HTR2C: variants seen among roughly 807,000 people sequenced by gnomAD.
The protein encoded by HTR2C is 5-hydroxytryptamine (serotonin) receptor 2C, G protein-coupled.
A neutral mutation model predicts 21.0 loss-of-function variants in HTR2C; 5 were observed. The observed-to-expected ratio is 0.24, with a 90% CI of 0.12 to 0.50. The LOEUF (loss-of-function observed/expected upper bound fraction) is 0.50. HTR2C is among the 20% of genes least tolerant of loss of function. The pLI, the probability that HTR2C is intolerant of heterozygous loss-of-function variation, is 0.98. For synonymous variants in HTR2C, 150 were observed against 145.3 expected, an observed-to-expected ratio of 1.03 and a Z score of -0.23; for missense variants, 271 against 371.2, an observed-to-expected ratio of 0.73 and a Z score of 2.22.
chrX:114,900,727 C>T lies in HTR2C; in HGVS notation c.551-5862C>T, dbSNP rs7053206. Among the ~76,000 whole-genome samples, 654 of 112,033 alleles carry T rather than the reference C, an allele frequency of 5.8e-3. 8 individuals are homozygous for T. Among genetic ancestry groups the T allele is most frequent in the African/African-American group, 0.02 (627 of 30,884 alleles). On this transcript the variant is annotated intron_variant, in intron 5 of 5. Coordinates refer to ENST00000276198, the MANE Select transcript of HTR2C (RefSeq NM_000868.4). ...ATGTTTATCAAGCTGTTCTAGGAAA[C>T]GTATTCTCTAATCTCTTTTGTATCA...
intron 2 of HTR2C, among the ~76,000 whole-genome samples, chrX:114,669,216 A>C (rs1556411283): frequency 9.0e-6 from 1 of 111,483 alleles, no homozygotes; most frequent in Non-Finnish European, 1.9e-5. Context: ...AAAGGATAGC[A>C]ATCATAGGCT....
chrX:114,756,017 A>C (rs2069809477), intron 4 of HTR2C, among the ~76,000 whole-genome samples: 1 of 110,575 alleles, frequency 9.0e-6, no homozygotes, highest in African/African-American at 3.3e-5. Context: ...AGGCTGAGGC[A>C]GGAGGATTGC....
intron 5 of HTR2C, among the ~76,000 whole-genome samples, chrX:114,882,472 G>A (rs1556480042): frequency 1.8e-5 from 2 of 110,502 alleles, no homozygotes; most frequent in Non-Finnish European, 3.8e-5. Context: ...GTCTGCTGTG[G>A]GTTTTTCATA....
chrX:114,708,646 A>T (rs947224748), intron 2 of HTR2C, among the ~76,000 whole-genome samples: 6 of 109,463 alleles, frequency 5.5e-5, no homozygotes, highest in African/African-American at 9.9e-5. Context: ...GCTAAAAAAA[A>T]TTTTTTTTAA....
chrX:114,875,053 A>G (rs1221343258), intron 5 of HTR2C, among the ~76,000 whole-genome samples: 6 of 111,421 alleles, frequency 5.4e-5, no homozygotes, highest in Non-Finnish European at 9.4e-5. Flanking sequence ...GAAGTCCAAG[A>G]TCAAAGTACA....
intron 2 of HTR2C, among the ~76,000 whole-genome samples, chrX:114,694,430 A>T (rs1556415536): frequency 1.0e-5 from 1 of 100,164 alleles, no homozygotes; most frequent in Non-Finnish European, 2.0e-5. Context: ...CTATTCCTCA[A>T]CTAAATATAT....
intron 2 of HTR2C, among the ~76,000 whole-genome samples, chrX:114,726,534 A>T (rs1933494095): frequency 8.9e-6 from 1 of 112,227 alleles, no homozygotes; most frequent in Admixed American, 9.4e-5. Context: ...CCATCTTGAG[A>T]AGTTTTTGAA....
At chrX:114,706,724 A>C (rs1461563242) in intron 2 of HTR2C, among the ~76,000 whole-genome samples, 1 of 110,407 alleles carries the variant, frequency 9.1e-6, no homozygotes, top group Non-Finnish European at 1.9e-5. Context: ...AATCAAATAA[A>C]AATAATAAAA....
At chrX:114,686,444 T>A (rs1931915364) in intron 2 of HTR2C, among the ~76,000 whole-genome samples, 1 of 111,502 alleles carries the variant, frequency 9.0e-6, no homozygotes, top group African/African-American at 3.3e-5. Flanking sequence ...TCATCTTTAG[T>A]GAGGCTGAAG....
intron 4 of HTR2C, among the ~76,000 whole-genome samples, chrX:114,839,602 G>A (rs1266370561): frequency 1.8e-5 from 2 of 111,161 alleles, no homozygotes; most frequent in East Asian, 5.7e-4. Context: ...TAAGACGATT[G>A]TTTGAGTCTG....
At chrX:114,869,325 A>G (rs2071073474) in intron 5 of HTR2C, among the ~76,000 whole-genome samples, 1 of 112,055 alleles carries the variant, frequency 8.9e-6, no homozygotes, top group Non-Finnish European at 1.9e-5. Context: ...TCTTTATAGT[A>G]GCATGATTTA....
intron 2 of HTR2C, among the ~76,000 whole-genome samples, chrX:114,657,147 C>T (rs1930811930): frequency 9.0e-6 from 1 of 110,704 alleles, no homozygotes; most frequent in Admixed American, 9.7e-5. Flanking sequence ...TTTATCTTGA[C>T]ACATTTCTTG....
intron 2 of HTR2C, among the ~76,000 whole-genome samples, chrX:114,679,003 G>A (rs1931661565): frequency 9.0e-6 from 1 of 111,594 alleles, no homozygotes. Context: ...ATACAAAGCA[G>A]AAAAGTAAAA....
rs372277285 is a variant in HTR2C at position 114,874,804 on chromosome X, C to T, written c.550+26601C>T. ...GATTACAGGTGTGAGCCACCGCACC[C>T]GGCCTCATTATGGTTTTGATTTGCA... On this transcript the variant is annotated intron_variant, in intron 5 of 5. Coordinates refer to ENST00000276198, the MANE Select transcript of HTR2C (RefSeq NM_000868.4). Among the ~76,000 whole-genome samples, 25 of 111,085 alleles carry T rather than the reference C, an allele frequency of 2.3e-4. No homozygotes were observed. In the South Asian group the frequency reaches 4.1e-3, roughly 18 times the overall value.
At chrX:114,703,389 A>G (rs1426006950) in intron 2 of HTR2C, among the ~76,000 whole-genome samples, 1 of 109,849 alleles carries the variant, frequency 9.1e-6, no homozygotes, top group Non-Finnish European at 1.9e-5. Flanking sequence ...TCAAACCAGA[A>G]CTCAGGATTA....
At chrX:114,746,713 C>T (rs2069707921) in intron 4 of HTR2C, among the ~76,000 whole-genome samples, 1 of 110,273 alleles carries the variant, frequency 9.1e-6, no homozygotes, top group African/African-American at 3.3e-5. Flanking sequence ...AGGCCGGGCA[C>T]GGTGGCTCCC....
chrX:114,897,193 T>A (rs1197116165), intron 5 of HTR2C, among the ~76,000 whole-genome samples: 1 of 111,931 alleles, frequency 8.9e-6, no homozygotes, highest in East Asian at 2.8e-4. Context: ...TGTATGCTCT[T>A]GCTACATATG....
At chrX:114,895,459 G>A (rs185752472) in intron 5 of HTR2C, among the ~76,000 whole-genome samples, 11 of 111,086 alleles carry the variant, frequency 9.9e-5, no homozygotes, top group Non-Finnish European at 2.1e-4. Flanking sequence ...GATGTGTCTT[G>A]GTAGAGATTG....
chrX:114,747,356 T>C (rs2069716006), intron 4 of HTR2C, among the ~76,000 whole-genome samples: 1 of 112,166 alleles, frequency 8.9e-6, no homozygotes, highest in South Asian at 3.7e-4. Context: ...ACCACTCTTA[T>C]TCAACATCAT....
Sources: gnomAD v4.1 joint callset for allele counts (sites outside exome capture counted in the v4.1 genomes callset) on GRCh38, gnomAD v4.1.1 for gene constraint, MANE v1.5 for transcripts, NCBI Gene and HGNC (gene_info 2026-07-23, HGNC 2026-07-21) for gene names.